Variants in CSMD1 observed in about 807,000 individuals in gnomAD.
The protein encoded by CSMD1 is CUB and sushi domain-containing protein 1.
In CSMD1, 213 loss-of-function variants were observed where a neutral mutation model predicts 417.5. The observed-to-expected ratio is 0.51, with a 90% CI of 0.46 to 0.57. The LOEUF (loss-of-function observed/expected upper bound fraction) is 0.57, where lower values mean the gene tolerates loss of function less well. Among genes scored for constraint, CSMD1 ranks in the 20% least tolerant of loss-of-function variants. The pLI, the probability that CSMD1 is intolerant of heterozygous loss-of-function variation, is 0.00. For synonymous variants in CSMD1, 2,862 were observed against 1,736.8 expected (o/e 1.65, Z -16.11); for missense variants, 6,923 against 4,529.7 (o/e 1.53, Z -15.17).
chr8:3,947,264 T>G (rs1797505749), intron 5 of CSMD1, among the ~76,000 whole-genome samples: 1 of 152,166 alleles, frequency 6.6e-6, no homozygotes, highest in South Asian at 2.1e-4. Context: ...CTAATGTTCT[T>G]TCCACATTTA....
At chr8:4,195,503 C>A (rs1215958332) in intron 3 of CSMD1, among the ~76,000 whole-genome samples, 2 of 152,184 alleles carry the variant, frequency 1.3e-5, no homozygotes, top group East Asian at 3.9e-4. Flanking sequence ...TTGTTCACAT[C>A]TCTGTATGAT....
At chr8:3,838,080 A>G (rs1001663289) in intron 5 of CSMD1, among the ~76,000 whole-genome samples, 1 of 152,114 alleles carries the variant, frequency 6.6e-6, no homozygotes, top group Non-Finnish European at 1.5e-5. Flanking sequence ...GGGCTTTGGG[A>G]AAGCTGTAGC....
intron 1 of CSMD1, among the ~76,000 whole-genome samples, chr8:4,833,852 G>C (rs979398287): frequency 2.0e-5 from 3 of 152,202 alleles, no homozygotes; most frequent in African/African-American, 7.2e-5. Flanking sequence ...ACGTTGGCTA[G>C]CTCTGTACTC....
chr8:4,398,385 C>CTTTTTT lies in CSMD1; in HGVS notation c.415+21567_415+21568insAAAAAA, dbSNP rs1317009143. On this transcript the variant is annotated intron_variant, in intron 3 of 69. Transcript: ENST00000635120. ...CTCTTTTTAAATTGTCTTGCTGCAACTTCTTTTTTTTTTTTTTTTTTTTGT... is the reference window on the plus strand; with the variant it reads ...CTCTTTTTAAATTGTCTTGCTGCAACTTTTTTTTCTTTTTTTTTTTTTTTTTTTTGT... 5.0e-3 allele frequency among the ~76,000 whole-genome samples: 585 copies of CTTTTTT among 118,014 alleles called. 44 individuals carry two copies. Among genetic ancestry groups the CTTTTTT allele is most frequent in the Non-Finnish European group, 5.2e-3 (307 of 58,968 alleles). 77.4% of individuals were successfully genotyped at this position (118,014 alleles called of 152,430 possible).
At chr8:3,353,990 C>T (rs1808578863) in intron 21 of CSMD1, among the ~76,000 whole-genome samples, 1 of 152,198 alleles carries the variant, frequency 6.6e-6, no homozygotes, top group African/African-American at 2.4e-5. Flanking sequence ...CAAAGTACCA[C>T]AGACAGAGTG....
chr8:3,443,741 G>T (rs1251675379), intron 12 of CSMD1, among the ~76,000 whole-genome samples: 2 of 152,144 alleles, frequency 1.3e-5, no homozygotes, highest in Non-Finnish European at 2.9e-5. Flanking sequence ...ATCTAGCAAT[G>T]GACAGCTTTA....
chr8:4,903,091 T>C (rs1805001916), intron 1 of CSMD1, among the ~76,000 whole-genome samples: 1 of 152,104 alleles, frequency 6.6e-6, no homozygotes, highest in Middle Eastern at 3.4e-3. Flanking sequence ...TACGCAGCCA[T>C]ACACTGTTCC....
intron 2 of CSMD1, among the ~76,000 whole-genome samples, chr8:4,428,570 C>T (rs1423232322): frequency 1.3e-5 from 2 of 152,068 alleles, no homozygotes; most frequent in Non-Finnish European, 2.9e-5. Context: ...AATAAACTTG[C>T]AACTTACCTT....
At chr8:4,302,694 G>T (rs13258176) in intron 3 of CSMD1, among the ~76,000 whole-genome samples, 112,159 of 152,080 alleles carry the variant, frequency 0.74, 41,555 homozygotes, top group East Asian at 0.85. Context: ...CTAAACTGGT[G>T]TGTATGTGCC....
chr8:3,827,395 A>T (rs779484305), intron 5 of CSMD1, among the ~76,000 whole-genome samples: 34 of 152,228 alleles, frequency 2.2e-4, no homozygotes, highest in Non-Finnish European at 4.3e-4. Flanking sequence ...GTACTTAGAT[A>T]TCAAATACCT....
intron 3 of CSMD1, among the ~76,000 whole-genome samples, chr8:4,275,944 C>T (rs938305445): frequency 1.3e-5 from 2 of 152,130 alleles, no homozygotes; most frequent in South Asian, 2.1e-4. Context: ...AAAAGGAAAC[C>T]ATGAATAGTT....
intron 21 of CSMD1, among the ~76,000 whole-genome samples, chr8:3,353,097 A>C (rs1000315811): frequency 1.3e-5 from 2 of 152,180 alleles, no homozygotes; most frequent in Non-Finnish European, 2.9e-5. Context: ...TTAATACACA[A>C]TATTGGTAAT....
At chr8:3,247,589 C>T (rs1001288574) in intron 26 of CSMD1, among the ~76,000 whole-genome samples, 2 of 152,188 alleles carry the variant, frequency 1.3e-5, no homozygotes, top group Admixed American at 1.3e-4. Flanking sequence ...AGGACATTCT[C>T]CCTTCCCTGT....
At chr8:3,891,258 A>C (rs957619892) in intron 5 of CSMD1, among the ~76,000 whole-genome samples, 1 of 152,102 alleles carries the variant, frequency 6.6e-6, no homozygotes, top group African/African-American at 2.4e-5. Flanking sequence ...CATGTTTCCC[A>C]GGCTAGTCTC....
chr8:3,690,116 T>C (rs1337982305), intron 7 of CSMD1, among the ~76,000 whole-genome samples: 1 of 152,188 alleles, frequency 6.6e-6, no homozygotes, highest in Non-Finnish European at 1.5e-5. Context: ...CCCAGCACTT[T>C]AGGAGGCTGA....
intron 26 of CSMD1, among the ~76,000 whole-genome samples, chr8:3,263,864 T>C (rs1005128349): frequency 2.0e-5 from 3 of 152,238 alleles, no homozygotes; most frequent in Non-Finnish European, 2.9e-5. Context: ...AGTATGTCTC[T>C]TCTTTGATGT....
Position 4,455,860 on chromosome 8 carries a change from G to C in CSMD1, c.303-35795C>G, listed in dbSNP as rs924818011. ...GCAAGATAACTGCTTGAACCTGGGAGACAGGTTGCAGTGAGCCAAGATCAT... is the reference window on the plus strand; with the variant it reads ...GCAAGATAACTGCTTGAACCTGGGACACAGGTTGCAGTGAGCCAAGATCAT... On this transcript the variant is annotated intron_variant, in intron 2 of 69. Transcript: ENST00000635120. Among the ~76,000 whole-genome samples, 11 of 132,592 alleles carry C rather than the reference G, an allele frequency of 8.3e-5. No homozygotes were observed. In the South Asian group the frequency reaches 2.0e-3, roughly 24 times the overall value. The allele number at this position is 132,592 out of a possible 152,430, so 87.0% of individuals were successfully genotyped here. A position where few individuals can be genotyped will look rare whatever the true frequency, so the allele number is the denominator to read the frequency against.
chr8:3,809,762 A>G (rs1195277600), intron 5 of CSMD1, among the ~76,000 whole-genome samples: 1 of 152,194 alleles, frequency 6.6e-6, no homozygotes, highest in Non-Finnish European at 1.5e-5. Context: ...TTGAGACAAC[A>G]GGAAAGTATT....
At chr8:2,957,307 T>A (rs78736919) in intron 63 of CSMD1, among the ~76,000 whole-genome samples, 10 of 152,334 alleles carry the variant, frequency 6.6e-5, no homozygotes, top group African/African-American at 2.4e-4. Flanking sequence ...AGGAGAATAA[T>A]AGCACGTACA....
Sources: gnomAD v4.1 joint callset for allele counts (sites outside exome capture counted in the v4.1 genomes callset) on GRCh38, gnomAD v4.1.1 for gene constraint, MANE v1.5 for transcripts, NCBI Gene and HGNC (gene_info 2026-07-23, HGNC 2026-07-21) for gene names.